Variants in RASEF observed in about 807,000 individuals in gnomAD.
The protein encoded by RASEF is RAS and EF-hand domain containing.
Under a neutral mutation model 90.1 loss-of-function variants are expected in RASEF, and 68 were observed. The ratio of observed to expected loss-of-function variants is 0.75; its 90% CI spans 0.62 to 0.92. RASEF has a LOEUF of 0.92. Among genes scored for constraint, RASEF ranks in the 40% least tolerant of loss-of-function variants. RASEF has a pLI of 0.00. For synonymous variants in RASEF, 331 were observed against 345.2 expected (o/e 0.96, Z 0.46); for missense variants, 949 against 937.2 (o/e 1.01, Z -0.16).
chr9:83,011,281 G>T (rs1299587124), intron 5 of RASEF, among the ~76,000 whole-genome samples: 1 of 152,108 alleles, frequency 6.6e-6, no homozygotes, highest in Admixed American at 6.5e-5. Flanking sequence ...TTTGCCAGGT[G>T]CGGTGGCTCA....
chr9:83,170,810 A>C, the RASEF span, among the ~76,000 whole-genome samples: 1 of 151,868 alleles, frequency 6.6e-6, no homozygotes, highest in Non-Finnish European at 1.5e-5. Flanking sequence ...CAATTCTAAC[A>C]GGTTTTTTTG....
intron 16 of RASEF, among the ~76,000 whole-genome samples, chr9:82,989,686 G>C (rs1452767774): frequency 6.6e-6 from 1 of 152,138 alleles, no homozygotes; most frequent in Admixed American, 6.5e-5. Context: ...AACTTTGTCT[G>C]CAATTAAAGA....
chr9:83,059,362 G>GA lies in RASEF; in HGVS notation c.431+3074dup, dbSNP rs201457912. Among the ~76,000 whole-genome samples, 853 of 88,144 alleles carry GA rather than the reference G, an allele frequency of 9.7e-3. 4 individuals are homozygous for GA. The highest frequency in any genetic ancestry group is 0.018 in the African/African-American group (429 of 23,276). 57.8% of individuals were successfully genotyped at this position (88,144 alleles called of 152,430 possible). A position where few individuals can be genotyped will look rare whatever the true frequency, so the allele number is the denominator to read the frequency against. On this transcript the variant is annotated intron_variant, in intron 1 of 16. Coordinates refer to ENST00000376447, the MANE Select transcript of RASEF (RefSeq NM_152573.4). ...CCAAGACTGGCTCACAACAGTAACT[G>GA]AAAAAAAAAAAAAAAAGTGAGAGAA...
chr9:83,017,378 T>C (rs1829361523), intron 3 of RASEF, among the ~76,000 whole-genome samples: 1 of 150,920 alleles, frequency 6.6e-6, no homozygotes, highest in Non-Finnish European at 1.5e-5. Flanking sequence ...CAGGCGCCTG[T>C]TGTCCCAGCT....
chr9:82,992,020 T>G (rs1420102400), intron 15 of RASEF, among the ~76,000 whole-genome samples: 1 of 152,244 alleles, frequency 6.6e-6, no homozygotes, highest in Non-Finnish European at 1.5e-5. Context: ...GTGAATCTCT[T>G]CTGCATTTCA....
the RASEF span, among the ~76,000 whole-genome samples, chr9:83,080,675 T>C: frequency 6.6e-6 from 1 of 152,164 alleles, no homozygotes; most frequent in Non-Finnish European, 1.5e-5. Flanking sequence ...TCTTTCCCCA[T>C]CTTTAAAATG....
the RASEF span, among the ~76,000 whole-genome samples, chr9:83,183,287 C>T: frequency 7.1e-6 from 1 of 140,510 alleles, no homozygotes; most frequent in Non-Finnish European, 1.5e-5. Context: ...TATATATATA[C>T]AAATTTGTGT....
the RASEF span, among the ~76,000 whole-genome samples, chr9:83,097,348 G>A: frequency 6.6e-6 from 1 of 152,138 alleles, no homozygotes; most frequent in Admixed American, 6.5e-5. Flanking sequence ...CATGGGCAAG[G>A]ACTTCATGTC....
chr9:83,211,446 A>G, the RASEF span, among the ~76,000 whole-genome samples: 1 of 152,170 alleles, frequency 6.6e-6, no homozygotes, highest in East Asian at 1.9e-4. Context: ...TGAACTCCCA[A>G]AGGGTCTGGT....
chr9:83,116,799 G>A, the RASEF span, among the ~76,000 whole-genome samples: 2 of 152,096 alleles, frequency 1.3e-5, no homozygotes, highest in African/African-American at 2.4e-5. Flanking sequence ...GGATTTGGGG[G>A]AAAAATCATT....
At chr9:83,121,342 A>G in the RASEF span, among the ~76,000 whole-genome samples, 38 of 152,256 alleles carry the variant, frequency 2.5e-4, no homozygotes, top group East Asian at 5.6e-3. Context: ...TATGACACAG[A>G]TATCAATATG....
the RASEF span, among the ~76,000 whole-genome samples, chr9:83,193,232 C>T: frequency 6.6e-6 from 1 of 152,158 alleles, no homozygotes; most frequent in African/African-American, 2.4e-5. Flanking sequence ...TTAACCATCA[C>T]ACTCCTCACA....
chr9:83,076,359 T>C, the RASEF span, among the ~76,000 whole-genome samples: 1 of 152,036 alleles, frequency 6.6e-6, no homozygotes, highest in Non-Finnish European at 1.5e-5. Flanking sequence ...CTAATGATAT[T>C]ACATGAATTC....
chr9:83,206,644 G>A, the RASEF span, among the ~76,000 whole-genome samples: 1 of 152,218 alleles, frequency 6.6e-6, no homozygotes, highest in Non-Finnish European at 1.5e-5. Flanking sequence ...CCCATTTGGT[G>A]TTTATGGAAA....
chr9:83,138,067 A>G, the RASEF span, among the ~76,000 whole-genome samples: 1 of 151,888 alleles, frequency 6.6e-6, no homozygotes, highest in Non-Finnish European at 1.5e-5. Context: ...AACAACAGCA[A>G]TGATTTGTCC....
the RASEF span, among the ~76,000 whole-genome samples, chr9:83,203,723 A>C: frequency 6.6e-6 from 1 of 152,138 alleles, no homozygotes; most frequent in African/African-American, 2.4e-5. Flanking sequence ...AGTGAGTATC[A>C]CTTAAGTAAG....
chr9:83,046,380 C>T (rs896311374), intron 1 of RASEF, among the ~76,000 whole-genome samples: 1 of 152,060 alleles, frequency 6.6e-6, no homozygotes, highest in Admixed American at 6.6e-5. Flanking sequence ...TGCACCATTC[C>T]TACTTTTTTT....
intron 1 of RASEF, among the ~76,000 whole-genome samples, chr9:83,044,074 C>T (rs913324702): frequency 6.6e-6 from 1 of 152,108 alleles, no homozygotes; most frequent in African/African-American, 2.4e-5. Flanking sequence ...ACTTCCAACT[C>T]GGGGACAAAA....
At chr9:83,072,907 C>T in the RASEF span, among the ~76,000 whole-genome samples, 1 of 152,308 alleles carries the variant, frequency 6.6e-6, no homozygotes, top group East Asian at 1.9e-4. Context: ...TCAACCATCA[C>T]AGCTATGTTA....
Sources: allele counts gnomAD v4.1 joint callset (sites outside exome capture counted in the v4.1 genomes callset), GRCh38; gene constraint gnomAD v4.1.1; transcripts MANE v1.5; gene names NCBI Gene and HGNC (gene_info 2026-07-23, HGNC 2026-07-21).